The following SND1 variants were observed in gnomAD, a reference collection of about 807,000 sequenced individuals.
SND1 encodes staphylococcal nuclease and tudor domain containing 1, also known as staphylococcal nuclease domain-containing protein 1.
In SND1, 38 loss-of-function variants were observed where a neutral mutation model predicts 121.7. That is an observed-to-expected ratio of 0.31 (90% confidence interval 0.24 to 0.41). The LOEUF is 0.41. Ranked by LOEUF, SND1 falls within the 10% of genes least tolerant of loss-of-function variation. The pLI, the probability that SND1 is intolerant of heterozygous loss-of-function variation, is 1.00. For synonymous variants in SND1, 401 were observed against 447.4 expected (o/e 0.90, Z 1.31); for missense variants, 868 against 1,184.6 (o/e 0.73, Z 3.92).
At chr7:128,059,073 G>T (rs943215974) in intron 16 of SND1, among the ~76,000 whole-genome samples, 2 of 151,990 alleles carry the variant, frequency 1.3e-5, no homozygotes, top group Admixed American at 1.3e-4. Flanking sequence ...TTCTACCCTC[G>T]TTCCTTCTTC....
intron 10 of SND1, among the ~76,000 whole-genome samples, chr7:127,765,752 T>C (rs1175541139): frequency 1.3e-5 from 2 of 152,206 alleles, no homozygotes; most frequent in African/African-American, 2.4e-5. Context: ...CCTTAGCTGA[T>C]GAGCATTGTG....
chr7:127,821,947 C>T (rs1314075272), intron 11 of SND1, among the ~76,000 whole-genome samples: 1 of 152,130 alleles, frequency 6.6e-6, no homozygotes, highest in Non-Finnish European at 1.5e-5. Context: ...TTTAACATCC[C>T]TTTTATCTTT....
intron 11 of SND1, among the ~76,000 whole-genome samples, chr7:127,809,272 G>A (rs763419207): frequency 7.2e-5 from 11 of 152,216 alleles, no homozygotes; most frequent in Admixed American, 1.3e-4. Context: ...AGAGTTGATT[G>A]TATTCTATTT....
chr7:127,979,405 A>G (rs1032983487), intron 15 of SND1, among the ~76,000 whole-genome samples: 7 of 152,176 alleles, frequency 4.6e-5, no homozygotes, highest in Admixed American at 2.0e-4. Context: ...TCGTTTCCCT[A>G]TCGGCTAGGG....
chr7:127,759,099 T>C (rs552538204), intron 10 of SND1, among the ~76,000 whole-genome samples: 6 of 152,020 alleles, frequency 3.9e-5, no homozygotes, highest in African/African-American at 9.7e-5. Context: ...GATAGATAGA[T>C]AGGCAGGCAG....
At chr7:128,048,434 A>T (rs1294433916) in intron 16 of SND1, among the ~76,000 whole-genome samples, 7 of 152,166 alleles carry the variant, frequency 4.6e-5, no homozygotes, top group African/African-American at 1.7e-4. Flanking sequence ...GTGTGCTGTG[A>T]TGCCAGAGCA....
chr7:127,922,200 T>G (rs938483426), intron 14 of SND1, among the ~76,000 whole-genome samples: 2 of 112,910 alleles, frequency 1.8e-5, no homozygotes, highest in African/African-American at 7.2e-5. Context: ...TTTTTTTTTT[T>G]TTTGTTTTGT....
At chr7:127,977,110 G>A (rs1802137673) in intron 15 of SND1, among the ~76,000 whole-genome samples, 2 of 152,112 alleles carry the variant, frequency 1.3e-5, no homozygotes, top group African/African-American at 4.8e-5. Context: ...ATTTCACTGC[G>A]AACGCTTCCG....
chr7:128,063,668 T>G (rs1793267596), intron 16 of SND1, among the ~76,000 whole-genome samples: 1 of 152,238 alleles, frequency 6.6e-6, no homozygotes, highest in Non-Finnish European at 1.5e-5. Flanking sequence ...ATTGTAATAC[T>G]GTCATGGTGA....
At chr7:127,752,489 G>T (rs1797113949) in intron 10 of SND1, among the ~76,000 whole-genome samples, 1 of 152,228 alleles carries the variant, frequency 6.6e-6, no homozygotes, top group Admixed American at 6.5e-5. Context: ...CTGCTGGGTT[G>T]TTCCAGTGGT....
Position 128,029,143 on chromosome 7 carries a change from C to T in SND1, c.1779+38087C>T, listed in dbSNP as rs1563093886. 6.2e-7 allele frequency: 1 copy of T among 1,614,060 alleles called. No individual in the cohort carries two copies. The highest frequency in any genetic ancestry group is 2.2e-5 in the East Asian group (1 of 44,874). On this transcript the variant is annotated intron_variant, in intron 16 of 23. Coordinates refer to ENST00000354725, the MANE Select transcript of SND1 (RefSeq NM_014390.4). The surrounding 1 kb of genome is among the most constrained non-coding windows in gnomAD (Gnocchi z 4.2). ...GCGGGTACTGCCACCTGCTTGGGCA[C>T]ACGGGTAGTCTGAATGAGCACCGTG...
Position 128,015,264 on chromosome 7 carries a change from C to T in SND1, c.1779+24208C>T, listed in dbSNP as rs1021396313. Reference sequence around the variant, plus strand: ...GTCAACGTGGGGCTAAAATGAAGACCGCTCTTAGTTCATGTTCTGGCATAT... The same window carrying T: ...GTCAACGTGGGGCTAAAATGAAGACTGCTCTTAGTTCATGTTCTGGCATAT... On this transcript the variant is annotated intron_variant, in intron 16 of 23. Transcript: ENST00000354725. This position sits in a 1 kb window ranked among gnomAD's most constrained non-coding sequence, Gnocchi z 4.5. 1.3e-5 allele frequency among the ~76,000 whole-genome samples: 2 copies of T among 152,152 alleles called. No homozygotes were observed. Among genetic ancestry groups the T allele is most frequent in the Admixed American group, 6.6e-5 (1 of 15,264 alleles).
At chr7:127,754,414 C>T (rs1797157658) in intron 10 of SND1, among the ~76,000 whole-genome samples, 1 of 152,186 alleles carries the variant, frequency 6.6e-6, no homozygotes, top group Non-Finnish European at 1.5e-5. Context: ...GTAACAAAAG[C>T]TCAGTGGCTT....
intron 10 of SND1, among the ~76,000 whole-genome samples, chr7:127,793,380 C>T (rs1413653249): frequency 6.6e-6 from 1 of 152,170 alleles, no homozygotes; most frequent in African/African-American, 2.4e-5. Flanking sequence ...ATAATTCCAG[C>T]TTTATTTGCT....
At chr7:127,900,356 T>C (rs964149017) in intron 13 of SND1, among the ~76,000 whole-genome samples, 2 of 152,194 alleles carry the variant, frequency 1.3e-5, no homozygotes, top group African/African-American at 4.8e-5. Context: ...GGCCTGTTTG[T>C]TGGCACGGGA....
chr7:128,092,069 G>A lies in SND1; in HGVS notation c.*11G>A, dbSNP rs746477798. ...GGCTACAGCCGCTAAGGAGGGGATC[G>A]GGTTTGGCCCCCAGCCCCGCTCACG... is the stretch of plus-strand genomic sequence containing the variant. On this transcript the variant is annotated 3_prime_UTR_variant, in exon 24 of 24. Transcript: ENST00000354725. The surrounding 1 kb of genome is among the most constrained non-coding windows in gnomAD (Gnocchi z 4.9). 3.7e-6 allele frequency: 6 copies of A among 1,613,902 alleles called. No individual in the cohort carries two copies. The highest frequency in any genetic ancestry group is 3.4e-6 in the Non-Finnish European group (4 of 1,179,800).
chr7:127,786,710 C>T (rs1311052497), intron 10 of SND1, among the ~76,000 whole-genome samples: 1 of 152,154 alleles, frequency 6.6e-6, no homozygotes, highest in Non-Finnish European at 1.5e-5. Flanking sequence ...GTGGCGCGAT[C>T]TCGACTCACT....
intron 11 of SND1, among the ~76,000 whole-genome samples, chr7:127,821,521 G>GT (rs1798548856): frequency 6.6e-6 from 1 of 151,996 alleles, no homozygotes; most frequent in East Asian, 1.9e-4. Flanking sequence ...CTGTGTCCTT[G>GT]TTTTTTTCTG....
chr7:128,084,877 CTT>C (rs1468910264), intron 19 of SND1, 30 bp downstream of exon 19: 1 of 1,576,820 alleles, frequency 6.3e-7, no homozygotes, highest in African/African-American at 1.3e-5. Context: ...AAGGCAGAGT[CTT>C]GAGCAGGAAC....
Sources: allele counts gnomAD v4.1 joint callset (sites outside exome capture counted in the v4.1 genomes callset), GRCh38; gene constraint gnomAD v4.1.1; non-coding constraint Gnocchi (gnomAD v3.1); transcripts MANE v1.5; gene names NCBI Gene and HGNC (gene_info 2026-07-23, HGNC 2026-07-21).